Variants in CTXND2 observed in about 807,000 individuals in gnomAD.
CTXND2 encodes cortexin domain containing 2.
chr1:150,912,198 T>C, intron 1 of CTXND2, 44 bp from the exon 2 acceptor site: 1 of 397,322 alleles, frequency 2.5e-6, no homozygotes, highest in Non-Finnish European at 4.4e-6. Context: ...AGAAAACACA[T>C]ACACACACAA....
At chr1:150,896,496 ACTTCT>A (rs587599043) in intron 1 of CTXND2, among the ~76,000 whole-genome samples, 133 of 152,236 alleles carry the variant, frequency 8.7e-4, no homozygotes, top group African/African-American at 2.6e-3. Flanking sequence ...CTGCTATTCT[ACTTCT>A]CTTCTTTCTT....
intron 1 of CTXND2, chr1:150,904,213 ATAAT>A (rs1406396320): frequency 1.6e-6 from 1 of 612,796 alleles, no homozygotes; most frequent in East Asian, 4.1e-5. Flanking sequence ...CTAATGAGTA[ATAAT>A]TGGCCACTGC....
At chr1:150,911,609 T>C (rs952941375) in intron 1 of CTXND2, among the ~76,000 whole-genome samples, 2 of 152,010 alleles carry the variant, frequency 1.3e-5, no homozygotes, top group Non-Finnish European at 2.9e-5. Flanking sequence ...ATTTTTGTAT[T>C]TTTAGTAGAG....
intron 1 of CTXND2, among the ~76,000 whole-genome samples, chr1:150,902,047 C>T (rs1669047467): frequency 6.6e-6 from 1 of 152,096 alleles, no homozygotes; most frequent in South Asian, 2.1e-4. Flanking sequence ...AGGCGGATTA[C>T]CTGAGATCAG....
At chr1:150,912,565 T>G in exon 2 of CTXND2, 1 of 397,676 alleles carries the variant, frequency 2.5e-6, no homozygotes, top group East Asian at 3.6e-5. Flanking sequence ...ACCTCCCTGT[T>G]TCTCAGCCTT....
At chr1:150,902,139 C>T (rs1309510063) in intron 1 of CTXND2, among the ~76,000 whole-genome samples, 1 of 151,536 alleles carries the variant, frequency 6.6e-6, no homozygotes, top group African/African-American at 2.4e-5. Flanking sequence ...CCGTGGCTCA[C>T]GCCTGTAATC....
At chr1:150,888,986 G>C (rs2102592534) in intron 1 of CTXND2, among the ~76,000 whole-genome samples, 1 of 152,096 alleles carries the variant, frequency 6.6e-6, no homozygotes, top group Admixed American at 6.6e-5. Context: ...TTATAGGAAT[G>C]AATCACCGTG....
chr1:150,896,045 C>G (rs1668910679), intron 1 of CTXND2, among the ~76,000 whole-genome samples: 1 of 152,186 alleles, frequency 6.6e-6, no homozygotes, highest in Non-Finnish European at 1.5e-5. Context: ...GACCTCTTTA[C>G]AATAAATATA....
intron 1 of CTXND2, among the ~76,000 whole-genome samples, chr1:150,904,662 GGTA>G (rs1321584133): frequency 6.6e-6 from 1 of 152,208 alleles, no homozygotes; most frequent in African/African-American, 2.4e-5. Flanking sequence ...AGATAAATAA[GGTA>G]GTAATGTCTA....
intron 1 of CTXND2, among the ~76,000 whole-genome samples, chr1:150,904,657 A>G (rs1197769545): frequency 1.3e-5 from 2 of 152,228 alleles, no homozygotes; most frequent in Admixed American, 1.3e-4. Flanking sequence ...GTTGAAGATA[A>G]ATAAGGTAGT....
At chr1:150,905,826 T>A (rs1669134616) in intron 1 of CTXND2, among the ~76,000 whole-genome samples, 1 of 151,788 alleles carries the variant, frequency 6.6e-6, no homozygotes, top group African/African-American at 2.4e-5. Context: ...CCATCTTTAC[T>A]AAAAATACAA....
chr1:150,904,017 C>T, intron 1 of CTXND2: 2 of 652,846 alleles, frequency 3.1e-6, no homozygotes, highest in Non-Finnish European at 5.8e-6. Flanking sequence ...AGTCAGAAGA[C>T]AGGTCAGGCT....
chr1:150,908,151 C>T (rs587742274), intron 1 of CTXND2, among the ~76,000 whole-genome samples: 31 of 151,890 alleles, frequency 2.0e-4, no homozygotes, highest in African/African-American at 5.6e-4. Context: ...TACAGGTGTG[C>T]GCCATCACAT....
At chr1:150,905,965 G>A (rs1421643206) in intron 1 of CTXND2, among the ~76,000 whole-genome samples, 3 of 151,006 alleles carry the variant, frequency 2.0e-5, no homozygotes, top group Non-Finnish European at 4.4e-5. Flanking sequence ...ACTCCAGGCT[G>A]GGCGACAGAG....
chr1:150,900,550 A>G (rs888123832), intron 1 of CTXND2, among the ~76,000 whole-genome samples: 1 of 152,196 alleles, frequency 6.6e-6, no homozygotes, highest in Non-Finnish European at 1.5e-5. Context: ...TTTGGGAAAC[A>G]GGCTGGAGAA....
chr1:150,890,661 G>A (rs892438328), intron 1 of CTXND2, among the ~76,000 whole-genome samples: 6 of 151,948 alleles, frequency 3.9e-5, no homozygotes, highest in African/African-American at 7.3e-5. Context: ...GTGCCACCAC[G>A]CCTGGCTAAT....
rs587775041 is a variant in CTXND2, at chr1:150,901,374, T to A, written c.-73-10868T>A. ...AATCTGTATCAGAATCCCATCTGAT[T>A]TGTTTATAAAAACTGACAAGCCGAT... On this transcript the variant is annotated intron_variant, in intron 1 of 1. Transcript: ENST00000636087. Among the ~76,000 whole-genome samples, 7 of 152,332 alleles carry A rather than the reference T, an allele frequency of 4.6e-5. No individual in the cohort carries two copies. The South Asian group carries it at 1.5e-3, about 32-fold the overall frequency.
At chr1:150,900,686 A>G (rs1291283255) in intron 1 of CTXND2, among the ~76,000 whole-genome samples, 2 of 152,144 alleles carry the variant, frequency 1.3e-5, no homozygotes, top group Non-Finnish European at 2.9e-5. Context: ...ATAGTGAGAA[A>G]ATATTTGCAA....
intron 1 of CTXND2, among the ~76,000 whole-genome samples, chr1:150,900,509 A>C (rs909031136): frequency 6.6e-6 from 1 of 152,182 alleles, no homozygotes; most frequent in Non-Finnish European, 1.5e-5. Flanking sequence ...CCAATTCTCG[A>C]CACAATGGTA....
Sources: allele counts gnomAD v4.1 joint callset (sites outside exome capture counted in the v4.1 genomes callset), GRCh38; gene constraint gnomAD v4.1.1; transcripts MANE v1.5; gene names NCBI Gene and HGNC (gene_info 2026-07-23, HGNC 2026-07-21).